The following AP1G2 variants were observed in gnomAD, a reference collection of about 807,000 sequenced individuals.
The protein encoded by AP1G2 is AP-1 complex subunit gamma-like 2.
A neutral mutation model predicts 95.8 loss-of-function variants in AP1G2; 85 were observed. The ratio of observed to expected loss-of-function variants is 0.89; its 90% CI spans 0.74 to 1.06. AP1G2 has a LOEUF of 1.06. AP1G2 is among the 50% of genes least tolerant of loss of function. The pLI is 0.00. For missense variants in AP1G2, 967 were observed against 1,005.8 expected (o/e 0.96, Z 0.52); for synonymous variants, 378 against 400.0 (o/e 0.94, Z 0.66).
At chr14:23,561,453 G>A (rs1216370615) in intron 18 of AP1G2, 22 bp from the exon 19 acceptor site, 1 of 1,613,714 alleles carries the variant, frequency 6.2e-7, no homozygotes, top group African/African-American at 1.3e-5. Flanking sequence ...GACAGAAGGG[G>A]CAGGGCTGGG....
chr14:23,565,140 G>T lies in AP1G2; in HGVS notation c.801C>A (p.Thr267=). The T allele has an allele frequency of 6.2e-7, 1 of 1,614,230 alleles. No individual in the cohort carries two copies. Among genetic ancestry groups the T allele is most frequent in the Non-Finnish European group, 8.5e-7 (1 of 1,180,036 alleles). The change falls in exon 8 of 22, where the codon ACC becomes ACA. Residue 267 remains threonine, a synonymous_variant. Transcript: ENST00000397120. Reference sequence around the variant, plus strand: ...CCACCTGGGCCAGCAAGTCATTCATGGTCTCACTGCTCTCCTCGTGGTTCC... The same window carrying T: ...CCACCTGGGCCAGCAAGTCATTCATTGTCTCACTGCTCTCCTCGTGGTTCC... ...LGRNHEESSE[T]MNDLLAQVAT... is the part of the protein sequence containing the mutation.
chr14:23,566,732 A>T lies in AP1G2; in HGVS notation c.205-46T>A, dbSNP rs115377590. The T allele has an allele frequency of 3.7e-5, 59 of 1,605,584 alleles. No individual in the cohort carries two copies. The African/African-American group carries it at 6.5e-4, about 18-fold the overall frequency. ...CAGGAAGAGGCAGGGGTGAAACCAT[A>T]GACACTCACATCCCTGTTCCATCTT... On this transcript the variant is annotated intron_variant, in intron 2 of 21. Coordinates refer to ENST00000397120, the MANE Select transcript of AP1G2 (RefSeq NM_003917.5).
Position 23,566,043 on chromosome 14 carries a change from TG to T in AP1G2, c.568+20del, listed in dbSNP as rs749754123. On this transcript the variant is annotated intron_variant, in intron 5 of 21. Coordinates refer to ENST00000397120, the MANE Select transcript of AP1G2 (RefSeq NM_003917.5). ...CTGTCCATAGACCTGAAGCAAAGGA[TG>T]GGGGGCCCCACAGCCTTACCATGGT... The T allele has an allele frequency of 6.2e-7, 1 of 1,614,044 alleles. No individual in the cohort carries two copies. The highest frequency in any genetic ancestry group is 2.2e-5 in the East Asian group (1 of 44,882).
chr14:23,561,330 G>T lies in AP1G2; in HGVS notation c.1959C>A (p.His653Gln), dbSNP rs377753004. 1 of 1,570,668 alleles carries T rather than the reference G, an allele frequency of 6.4e-7. No homozygotes were observed. Among genetic ancestry groups the T allele is most frequent in the Non-Finnish European group, 8.6e-7 (1 of 1,158,318 alleles). The change falls in exon 19 of 22, where the codon CAC (histidine) becomes CAA (glutamine). Residue 653 changes from histidine to glutamine, a missense_variant. His to Gln is a conservative substitution (Grantham distance 24, BLOSUM62 0). Coordinates refer to ENST00000397120, the MANE Select transcript of AP1G2 (RefSeq NM_003917.5). ...LDPSPGGALV[H>Q]LLDLPCVPPP... ...GAGGTACACAGGGAAGGTCAAGCAG[G>T]TGTACCAGGGCACCTCCTGGGGAGG...
chr14:23,561,691 G>C, intron 17 of AP1G2, 56 bp from the exon 18 acceptor site: 1 of 1,599,072 alleles, frequency 6.3e-7, no homozygotes, highest in Admixed American at 1.7e-5. Flanking sequence ...TTTCACAAGA[G>C]GCATCTAGGA....
At chr14:23,563,342 G>A (rs1225845850) in intron 14 of AP1G2, 38 bp downstream of exon 14, 2 of 1,559,672 alleles carry the variant, frequency 1.3e-6, no homozygotes, top group Admixed American at 1.9e-5. Flanking sequence ...CAAGGGAGTG[G>A]TTGGGCAGCC....
chr14:23,563,014 A>G (rs1172815591), intron 14 of AP1G2: 3 of 1,073,222 alleles, frequency 2.8e-6, no homozygotes, highest in Non-Finnish European at 3.5e-6. Flanking sequence ...TGCCCACCCT[A>G]TTTAATTAAG....
intron 3 of AP1G2, 29 bp from the exon 4 acceptor site, chr14:23,566,448 A>C: frequency 6.2e-7 from 1 of 1,609,326 alleles, no homozygotes; most frequent in Admixed American, 1.7e-5. Context: ...CGGTCAGTCA[A>C]ACCTCTGAGA....
At position 23,560,008 on chromosome 14, in the gene AP1G2, CT is replaced by C; in HGVS notation, c.2185del (p.Ser729ValfsTer29). 6.2e-7 allele frequency: 1 copy of C among 1,611,372 alleles called. No homozygotes were observed. Among genetic ancestry groups the C allele is most frequent in the South Asian group, 1.1e-5 (1 of 90,808 alleles). The part of the protein sequence containing the change: ...KSLQLQLQAP[S>X]GNTVPARGGL... ...ACCCCGAGCTGGAACTGTGTTCCCA[CT>C]GGGGGCCTGCAGCTGCAGCTGGAGA... is the stretch of plus-strand genomic sequence containing the variant. On this transcript the variant is annotated frameshift_variant, in exon 21 of 22. Transcript: ENST00000397120. LOFTEE classifies it high-confidence loss of function.
At chr14:23,566,184 C>T (rs1566661561) in intron 4 of AP1G2, 24 bp from the exon 5 acceptor site, 4 of 1,594,284 alleles carry the variant, frequency 2.5e-6, no homozygotes, top group Non-Finnish European at 3.4e-6. Flanking sequence ...GGGCCTCAGA[C>T]AGGGGTCAGA....
Position 23,566,665 on chromosome 14 carries a change from C to G in AP1G2, c.226G>C (p.Ala76Pro). The change falls in exon 3 of 22, where the codon GCC becomes CCC. Residue 76 changes from alanine (A) to proline (P), a missense_variant. By Grantham distance (27) the Ala-to-Pro change is conservative (BLOSUM62 -1). Coordinates refer to ENST00000397120, the MANE Select transcript of AP1G2 (RefSeq NM_003917.5). Reference protein sequence around the residue: ...FGQMECLKLIASSRFTDKRVG... With the variant: ...FGQMECLKLIPSSRFTDKRVG... ...CTCTTGTCTGTGAATCTGGAGGAGGCGATCAGTTTCAGGCACTCCATCTAT... is the reference window on the plus strand; with the variant it reads ...CTCTTGTCTGTGAATCTGGAGGAGGGGATCAGTTTCAGGCACTCCATCTAT... The G allele has an allele frequency of 6.2e-7, 1 of 1,614,118 alleles. No individual in the cohort carries two copies. The highest frequency in any genetic ancestry group is 1.1e-5 in the South Asian group (1 of 91,078).
At chr14:23,560,462 G>A in intron 19 of AP1G2, 44 bp from the exon 20 acceptor site, 1 of 1,576,044 alleles carries the variant, frequency 6.3e-7, no homozygotes, top group African/African-American at 1.4e-5. Flanking sequence ...AGGTTTGAGA[G>A]AACATGTTTG....
At chr14:23,562,998 G>T in intron 14 of AP1G2, 1 of 992,258 alleles carries the variant, frequency 1.0e-6, no homozygotes, top group Non-Finnish European at 1.3e-6. Flanking sequence ...GGTGGATGAT[G>T]CTTTCTGCCC....
At position 23,562,192 on chromosome 14, in the gene AP1G2, G is replaced by A. The variant is rs1885183999; in HGVS notation, c.1628+96C>T. ...AAAAACAAGAACCTAAGGGCTAGGG[G>A]GTAGGGAGGGCTGGGCATGTATGCC... On this transcript the variant is annotated intron_variant, in intron 16 of 21. Coordinates refer to ENST00000397120, the MANE Select transcript of AP1G2 (RefSeq NM_003917.5). 9 of 1,593,482 alleles carry A rather than the reference G, an allele frequency of 5.6e-6. No individual in the cohort carries two copies. The South Asian group carries it at 8.9e-5, about 16-fold the overall frequency.
At position 23,564,406 on chromosome 14, in the gene AP1G2, T is replaced by C; in HGVS notation, c.922-18A>G. On this transcript the variant is annotated intron_variant, in intron 9 of 21. Coordinates refer to ENST00000397120, the MANE Select transcript of AP1G2 (RefSeq NM_003917.5). ...GCTAGAACCTATGAGAGGCAGAAGT[T>C]GGGGTCAGTCGGAAAGGAGCAACCT... 2 of 1,613,978 alleles carry C rather than the reference T, an allele frequency of 1.2e-6. No homozygotes were observed. Among genetic ancestry groups the C allele is most frequent in the African/African-American group, 1.3e-5 (1 of 74,984 alleles).
At position 23,562,602 on chromosome 14, in the gene AP1G2, G is replaced by A; in HGVS notation, c.1411-9C>T. 1 of 1,612,936 alleles carries A rather than the reference G, an allele frequency of 6.2e-7. No individual in the cohort carries two copies. Among genetic ancestry groups the A allele is most frequent in the Non-Finnish European group, 8.5e-7 (1 of 1,179,476 alleles). ...ACCTGCACCAGTGGTTGCTACATGG[G>A]ATAAGAAACTGCTGGGCTGGCCAGG... On this transcript the variant is annotated splice_polypyrimidine_tract_variant and intron_variant, in intron 14 of 21. Coordinates refer to ENST00000397120, the MANE Select transcript of AP1G2 (RefSeq NM_003917.5).
At position 23,561,611 on chromosome 14, in the gene AP1G2, A is replaced by G. The variant is rs746828870; in HGVS notation, c.1758T>C (p.Pro586=). The change falls in exon 18 of 22, where the codon CCT becomes CCC. Residue 586 remains proline, a synonymous_variant. Transcript: ENST00000397120. ...CCTGAGGGCCATCTCGCTCCACAAG[A>G]GGCATTTTTTCCAGGATGGCAGCCC... ...HMRAAILEKM[P]LVERDGPQAD... 6.2e-6 allele frequency: 10 copies of G among 1,613,812 alleles called. No homozygotes were observed. In the South Asian group the frequency reaches 1.1e-4, roughly 18 times the overall value.
Position 23,567,439 on chromosome 14 carries a change from C to A in AP1G2, c.-5-120G>T. On this transcript the variant is annotated intron_variant, in intron 1 of 21. Coordinates refer to ENST00000397120, the MANE Select transcript of AP1G2 (RefSeq NM_003917.5). The surrounding 1 kb of genome is among the most constrained non-coding windows in gnomAD (Gnocchi z 5.3). ...GTCCCACAGGTACCCTAAAATTGCG[C>A]CCGCATTTTACCTTTCCCGAAGTGG... 7.0e-7 allele frequency: 1 copy of A among 1,420,242 alleles called. No individual in the cohort carries two copies. Among genetic ancestry groups the A allele is most frequent in the Middle Eastern group, 2.6e-4 (1 of 3,902 alleles). The allele number at this position is 1,420,242 out of a possible 1,614,324, so 88.0% of individuals were successfully genotyped here.
Position 23,559,865 on chromosome 14 carries a change from G to A in AP1G2, c.2257-15C>T. ...CGCAGGGGGGCCTAGGAATAGGAGA[G>A]CAGGGACCAGGGTTAGCACCCACGG... is the stretch of plus-strand genomic sequence containing the variant. On this transcript the variant is annotated splice_polypyrimidine_tract_variant and intron_variant, in intron 21 of 21. Transcript: ENST00000397120. 6.2e-7 allele frequency: 1 copy of A among 1,613,858 alleles called. No homozygotes were observed. Among genetic ancestry groups the A allele is most frequent in the South Asian group, 1.1e-5 (1 of 91,056 alleles).
Sources: gnomAD v4.1 joint callset for allele counts on GRCh38, gnomAD v4.1.1 for gene constraint, Gnocchi (gnomAD v3.1) non-coding constraint, MANE v1.5 for transcripts, NCBI Gene and HGNC (gene_info 2026-07-23, HGNC 2026-07-21) for gene names.